Variants in ADCK1 observed in about 807,000 individuals in gnomAD.
ADCK1 encodes the protein aarF domain-containing protein kinase 1.
A neutral mutation model predicts 52.3 loss-of-function variants in ADCK1; 41 were observed. The observed-to-expected ratio is 0.78, with a 90% CI of 0.61 to 1.02. The LOEUF (loss-of-function observed/expected upper bound fraction) is 1.02, where lower values mean the gene tolerates loss of function less well. Among genes scored for constraint, ADCK1 ranks in the 50% least tolerant of loss-of-function variants. The probability of loss-of-function intolerance (pLI) is 0.00; values close to 1 mark genes in which losing one functional copy is unlikely to be tolerated. For missense variants in ADCK1, 658 were observed against 679.5 expected (o/e 0.97, Z 0.35); for synonymous variants, 250 against 274.6 (o/e 0.91, Z 0.89).
intron 3 of ADCK1, among the ~76,000 whole-genome samples, chr14:77,840,337 CT>C (rs771574416): frequency 4.2e-4 from 62 of 147,158 alleles, no homozygotes; most frequent in Middle Eastern, 3.6e-3. Context: ...AATTCTTTTC[CT>C]TTTTTTTTTT....
chr14:77,910,257 G>A (rs2083762305), intron 7 of ADCK1, among the ~76,000 whole-genome samples: 1 of 152,070 alleles, frequency 6.6e-6, no homozygotes, highest in South Asian at 2.1e-4. Context: ...TGGAGGGAAA[G>A]GGATGAGAAA....
chr14:77,872,225 A>G (rs2082794906), intron 4 of ADCK1, among the ~76,000 whole-genome samples: 4 of 152,064 alleles, frequency 2.6e-5, no homozygotes, highest in African/African-American at 9.7e-5. Flanking sequence ...AGAAACTGAG[A>G]CTCTGAGATG....
intron 3 of ADCK1, among the ~76,000 whole-genome samples, chr14:77,842,116 A>T (rs1447134757): frequency 1.3e-5 from 2 of 152,080 alleles, no homozygotes; most frequent in African/African-American, 4.8e-5. Flanking sequence ...CATGACACAC[A>T]AACAAACAAA....
intron 8 of ADCK1, among the ~76,000 whole-genome samples, chr14:77,925,203 A>G (rs2084161033): frequency 6.6e-6 from 1 of 152,246 alleles, no homozygotes; most frequent in South Asian, 2.1e-4. Context: ...ACGAAGTAGA[A>G]TGCATTAGTT....
chr14:77,891,305 C>T (rs905946856), intron 5 of ADCK1, among the ~76,000 whole-genome samples: 5 of 152,158 alleles, frequency 3.3e-5, no homozygotes, highest in Non-Finnish European at 7.4e-5. Flanking sequence ...TTTTCTAGCA[C>T]ACCTGTCAGC....
rs2041101384 is a variant in ADCK1, at chr14:77,847,685, T to TGCC, written c.220-11390_220-11388dup. On this transcript the variant is annotated intron_variant, in intron 3 of 10. Coordinates refer to ENST00000238561, the MANE Select transcript of ADCK1 (RefSeq NM_020421.4). ...CCTTTTCCCACTGTGGCCAGTGTGC[T>TGCC]GCCCTTCCTGGCCCTGCCTTGTTGG... is the stretch of plus-strand genomic sequence containing the variant. Among the ~76,000 whole-genome samples the TGCC allele has an allele frequency of 3.9e-5, 6 of 152,368 alleles. No homozygotes were observed. The South Asian group carries it at 1.2e-3, about 32-fold the overall frequency.
rs74065831 is a variant in ADCK1 at position 77,911,112 on chromosome 14, A to G, written c.858+3193A>G. 2.8e-3 allele frequency among the ~76,000 whole-genome samples: 420 copies of G among 152,380 alleles called. 2 individuals are homozygous for G. The highest frequency in any genetic ancestry group is 8.1e-3 in the African/African-American group (338 of 41,584). ...AATATGTGCCAGGCATATGACACAC[A>G]TAATCTCTACTCATTACAGCTCTCC... On this transcript the variant is annotated intron_variant, in intron 7 of 10. Coordinates refer to ENST00000238561, the MANE Select transcript of ADCK1 (RefSeq NM_020421.4).
intron 5 of ADCK1, among the ~76,000 whole-genome samples, chr14:77,890,835 A>G (rs1453807149): frequency 6.6e-6 from 1 of 152,194 alleles, no homozygotes; most frequent in Non-Finnish European, 1.5e-5. Context: ...GAGTTAGGGT[A>G]GTGGTCAGAG....
chr14:77,813,212 G>A (rs1390346397), intron 1 of ADCK1, among the ~76,000 whole-genome samples: 1 of 152,036 alleles, frequency 6.6e-6, no homozygotes, highest in Admixed American at 6.6e-5. Context: ...GTGTTGGTCA[G>A]TCTGGTCTTG....
chr14:77,878,569 G>T (rs1035904425), intron 4 of ADCK1, among the ~76,000 whole-genome samples: 1 of 152,222 alleles, frequency 6.6e-6, no homozygotes, highest in South Asian at 2.1e-4. Context: ...TCTCAACTGT[G>T]GTGGGGCATA....
intron 3 of ADCK1, 39 bp from the exon 4 acceptor site, chr14:77,859,037 G>T (rs1282352897): frequency 1.3e-6 from 2 of 1,543,408 alleles, no homozygotes; most frequent in South Asian, 2.5e-5. Context: ...GGAACAGTCT[G>T]CACTCACACC....
At chr14:77,875,213 G>C (rs1360378848) in intron 4 of ADCK1, among the ~76,000 whole-genome samples, 4 of 152,172 alleles carry the variant, frequency 2.6e-5, no homozygotes, top group African/African-American at 9.7e-5. Context: ...GAAACCACAG[G>C]ACTCAAGGAT....
In ADCK1 at chr14:77,836,769, C is replaced by CTTTTT. The variant is rs1293120244; in HGVS notation, c.219+14254_219+14255insTTTTT. 1.8e-3 allele frequency among the ~76,000 whole-genome samples: 133 copies of CTTTTT among 75,226 alleles called. 1 individual carries two copies. Among genetic ancestry groups the CTTTTT allele is most frequent in the African/African-American group, 2.2e-3 (48 of 22,188 alleles). 49.4% of individuals were successfully genotyped at this position (75,226 alleles called of 152,430 possible). On this transcript the variant is annotated intron_variant, in intron 3 of 10. Transcript: ENST00000238561. ...TATCTCCTCTACCTTTTCTTTCTTT[C>CTTTTT]TTTCTTTTTTTTTTTTTTTTTTGAG...
chr14:77,903,337 C>T (rs755575678), intron 6 of ADCK1, among the ~76,000 whole-genome samples: 6 of 152,202 alleles, frequency 3.9e-5, no homozygotes, highest in South Asian at 2.1e-4. Flanking sequence ...CACTGGCTCC[C>T]GATCACAACA....
chr14:77,825,657 T>TTG (rs2081681933), intron 3 of ADCK1, among the ~76,000 whole-genome samples: 1 of 146,664 alleles, frequency 6.8e-6, no homozygotes, highest in Admixed American at 6.7e-5. Context: ...TTTTTTTTTT[T>TTG]GAGACGGAGT....
intron 2 of ADCK1, among the ~76,000 whole-genome samples, chr14:77,820,418 C>T (rs947878830): frequency 6.6e-6 from 1 of 151,748 alleles, no homozygotes; most frequent in African/African-American, 2.4e-5. Context: ...GCAACCTCCA[C>T]CTCCTGGGAT....
chr14:77,853,863 C>G (rs1378195071), intron 3 of ADCK1, among the ~76,000 whole-genome samples: 1 of 152,262 alleles, frequency 6.6e-6, no homozygotes, highest in East Asian at 1.9e-4. Flanking sequence ...TTTCTGGACT[C>G]TCAGCTGTAT....
chr14:77,896,456 C>G (rs897858333), intron 5 of ADCK1, among the ~76,000 whole-genome samples: 3 of 152,262 alleles, frequency 2.0e-5, no homozygotes, highest in African/African-American at 7.2e-5. Flanking sequence ...GCGAGACCCT[C>G]TGGAGTTGAG....
chr14:77,912,970 G>C (rs904839244), intron 7 of ADCK1, among the ~76,000 whole-genome samples: 7 of 152,072 alleles, frequency 4.6e-5, no homozygotes, highest in African/African-American at 1.7e-4. Flanking sequence ...TCCTCTCTCT[G>C]GTCCTCAGTA....
Sources: gnomAD v4.1 joint callset for allele counts (sites outside exome capture counted in the v4.1 genomes callset) on GRCh38, gnomAD v4.1.1 for gene constraint, MANE v1.5 for transcripts, NCBI Gene and HGNC (gene_info 2026-07-23, HGNC 2026-07-21) for gene names.